Variants in RPA1 observed in about 807,000 individuals in gnomAD.
RPA1 encodes replication protein A 70 kDa DNA-binding subunit.
RPA1 carries 49 observed loss-of-function variants against 83.0 expected under a neutral mutation model. The observed-to-expected ratio is 0.59, with a 90% CI of 0.47 to 0.75. RPA1 has a LOEUF of 0.75. Among genes scored for constraint, RPA1 ranks in the 30% least tolerant of loss-of-function variants. The probability of loss-of-function intolerance (pLI) is 0.00; values close to 1 mark genes in which losing one functional copy is unlikely to be tolerated. For synonymous variants in RPA1, 279 were observed against 281.8 expected, an observed-to-expected ratio of 0.99 and a Z score of 0.10; for missense variants, 693 against 776.1, an observed-to-expected ratio of 0.89 and a Z score of 1.27.
chr17:1,878,724 T>C (rs1252712392), intron 8 of RPA1, among the ~76,000 whole-genome samples: 2 of 152,236 alleles, frequency 1.3e-5, no homozygotes, highest in African/African-American at 4.8e-5. Context: ...CTGTTCTGTT[T>C]CTCAGTTGAG....
At chr17:1,844,432 A>G in intron 3 of RPA1, 146 bp from the exon 4 acceptor site, 1 of 597,346 alleles carries the variant, frequency 1.7e-6, no homozygotes, top group South Asian at 2.3e-5. Flanking sequence ...AGCAAAATAC[A>G]CAGTTTTTCA....
rs146403373 is a variant in RPA1 at position 1,891,911 on chromosome 17, G to A, written c.1630G>A (p.Ala544Thr). The A allele has an allele frequency of 1.1e-4, 170 of 1,607,678 alleles. No individual in the cohort carries two copies. The East Asian group carries it at 2.2e-3, about 20-fold the overall frequency. Residue 544 changes from alanine (A) to threonine (T), a missense_variant, in exon 15 of 17, where the codon GCT (alanine) becomes ACT (threonine). By Grantham distance (58) the Ala-to-Thr change is moderately conservative. Coordinates refer to ENST00000254719, the MANE Select transcript of RPA1 (RefSeq NM_002945.5). Reference protein sequence around the residue: ...ESAEAILGQNAAYLGELKDKN... With the variant: ...ESAEAILGQNTAYLGELKDKN... ...TGCTGAAGCTATCCTTGGACAAAATGCTGCTTATCTTGGGGAATTAAAAGA... is the reference window on the plus strand; with the variant it reads ...TGCTGAAGCTATCCTTGGACAAAATACTGCTTATCTTGGGGAATTAAAAGA...
chr17:1,855,900 C>A (rs1434392665), intron 5 of RPA1, among the ~76,000 whole-genome samples: 2 of 151,934 alleles, frequency 1.3e-5, no homozygotes, highest in African/African-American at 2.4e-5. Flanking sequence ...AAGCACCCTT[C>A]TTGAGTAGAC....
intron 4 of RPA1, among the ~76,000 whole-genome samples, chr17:1,850,067 G>C (rs1334991793): frequency 2.0e-5 from 3 of 151,774 alleles, no homozygotes; most frequent in African/African-American, 7.3e-5. Context: ...AGCTACTCGG[G>C]GGACTGAGGC....
At position 1,897,101 on chromosome 17, in the gene RPA1, G is replaced by A; in HGVS notation, c.1777G>A (p.Asp593Asn). ...DESRIKATVM[D>N]VKPVDYREYG... ...GTCTCGAATTAAGGCCACTGTGATG[G>A]ACGTGAAGCCCGTGGACTACAGAGA... Residue 593 changes from aspartate to asparagine, a missense_variant, in exon 17 of 17, where the codon GAC (aspartate) becomes AAC (asparagine). By Grantham distance (23) the Asp-to-Asn change is conservative. Coordinates refer to ENST00000254719, the MANE Select transcript of RPA1 (RefSeq NM_002945.5). 3.8e-6 allele frequency: 6 copies of A among 1,573,930 alleles called. No homozygotes were observed. Among genetic ancestry groups the A allele is most frequent in the Non-Finnish European group, 5.2e-6 (6 of 1,159,316 alleles).
At chr17:1,874,028 T>TACACACACACAC (rs1270241119) in intron 6 of RPA1, among the ~76,000 whole-genome samples, 11 of 102,594 alleles carry the variant, frequency 1.1e-4, no homozygotes, top group African/African-American at 2.8e-4. Context: ...TATATATATA[T>TACACACACACAC]ATATACACAC....
chr17:1,881,608 G>C (rs1325016703), intron 12 of RPA1, among the ~76,000 whole-genome samples: 2 of 152,098 alleles, frequency 1.3e-5, no homozygotes, highest in Non-Finnish European at 2.9e-5. Context: ...CTTATTGCTT[G>C]ATTTTCTTTT....
chr17:1,891,600 C>T (rs558530835), intron 14 of RPA1: 116 of 251,224 alleles, frequency 4.6e-4, no homozygotes, highest in African/African-American at 2.4e-3. Context: ...TTGTATTTTT[C>T]GTAGAGACGG....
chr17:1,894,928 G>T, intron 15 of RPA1, 81 bp from the exon 16 acceptor site: 1 of 1,107,378 alleles, frequency 9.0e-7, no homozygotes, highest in Non-Finnish European at 1.3e-6. Flanking sequence ...TGCATTTTCA[G>T]AAGTCTTTTT....
chr17:1,864,261 G>A (rs1160746575), intron 5 of RPA1, among the ~76,000 whole-genome samples: 1 of 152,248 alleles, frequency 6.6e-6, no homozygotes. Flanking sequence ...TATATGCGGG[G>A]CATAGTGGCC....
At chr17:1,890,697 T>A (rs1192220519) in intron 14 of RPA1, among the ~76,000 whole-genome samples, 1 of 152,134 alleles carries the variant, frequency 6.6e-6, no homozygotes, top group African/African-American at 2.4e-5. Context: ...AAATGATAAA[T>A]AAAATGAAAT....
In RPA1 at chr17:1,897,969, T is replaced by C. The variant is rs9082; in HGVS notation, c.*794T>C. On this transcript the variant is annotated 3_prime_UTR_variant, in exon 17 of 17. Transcript: ENST00000254719. Reference sequence around the variant, plus strand: ...ACCTGTACACATTCCTGCATTCATGTATTTTGTTTTTTTTGACTAAAGCTA... The same window carrying C: ...ACCTGTACACATTCCTGCATTCATGCATTTTGTTTTTTTTGACTAAAGCTA... 32,024 of 152,350 alleles carry C rather than the reference T, an allele frequency of 0.21. 3,463 individuals carry two copies. Among genetic ancestry groups the C allele is most frequent in the South Asian group, 0.28 (1,374 of 4,824 alleles). 9.4% of individuals were successfully genotyped at this position (152,350 alleles called of 1,614,324 possible).
At chr17:1,851,973 C>T (rs1597429723) in intron 4 of RPA1, among the ~76,000 whole-genome samples, 1 of 152,270 alleles carries the variant, frequency 6.6e-6, no homozygotes, top group Non-Finnish European at 1.5e-5. Flanking sequence ...AAGTCTAAAA[C>T]GTGATGAATT....
At chr17:1,853,480 C>T (rs1030408809) in intron 5 of RPA1, among the ~76,000 whole-genome samples, 3 of 152,108 alleles carry the variant, frequency 2.0e-5, no homozygotes, top group Non-Finnish European at 2.9e-5. Context: ...GTCAGGAGTT[C>T]GAGACCAGTC....
intron 5 of RPA1, among the ~76,000 whole-genome samples, chr17:1,858,855 T>C (rs190177156): frequency 3.3e-5 from 5 of 152,100 alleles, no homozygotes; most frequent in Admixed American, 2.0e-4. Context: ...TGAATCCTGT[T>C]AAATGTATTG....
intron 5 of RPA1, among the ~76,000 whole-genome samples, chr17:1,866,102 C>T (rs1185762232): frequency 1.3e-5 from 2 of 151,928 alleles, no homozygotes; most frequent in East Asian, 2.0e-4. Flanking sequence ...ATTAGCCAGG[C>T]GTGGTGGTGT....
rs945405151 is a variant in RPA1 at position 1,884,069 on chromosome 17, G to C, written c.1374+125G>C. 3 of 1,305,888 alleles carry C rather than the reference G, an allele frequency of 2.3e-6. No homozygotes were observed. The highest frequency in any genetic ancestry group is 2.8e-5 in the South Asian group (2 of 72,440). The allele number at this position is 1,305,888 out of a possible 1,614,324, so 80.9% of individuals were successfully genotyped here. On this transcript the variant is annotated intron_variant, in intron 13 of 16. Transcript: ENST00000254719. This position sits in a 1 kb window ranked among gnomAD's most constrained non-coding sequence, Gnocchi z 4.1. ...TCTTACCCGGGGCTGTGACCTGAGC[G>C]TGGCATGGGGGTTGAGAATCACTGG...
chr17:1,899,349 CA>C lies in RPA1; in HGVS notation c.*2176del, dbSNP rs1392829991. Reference sequence around the variant, plus strand: ...TGTTTCTCCTCTTTCACTTAGAGATCAATGTTGATTTTGCGTACACCATGAC... The same window carrying C: ...TGTTTCTCCTCTTTCACTTAGAGATCATGTTGATTTTGCGTACACCATGAC... On this transcript the variant is annotated 3_prime_UTR_variant, in exon 17 of 17. Coordinates refer to ENST00000254719, the MANE Select transcript of RPA1 (RefSeq NM_002945.5). 3 of 152,370 alleles carry C rather than the reference CA, an allele frequency of 2.0e-5. No homozygotes were observed. Among genetic ancestry groups the C allele is most frequent in the Non-Finnish European group, 4.4e-5 (3 of 68,004 alleles). 9.4% of individuals were successfully genotyped at this position (152,370 alleles called of 1,614,324 possible).
intron 4 of RPA1, among the ~76,000 whole-genome samples, chr17:1,849,826 T>G (rs1294674265): frequency 6.6e-6 from 1 of 152,168 alleles, no homozygotes; most frequent in Non-Finnish European, 1.5e-5. Flanking sequence ...TCGTAAATTC[T>G]TTCAAAGCTT....
Sources: gnomAD v4.1 joint callset for allele counts (sites outside exome capture counted in the v4.1 genomes callset) on GRCh38, gnomAD v4.1.1 for gene constraint, Gnocchi (gnomAD v3.1) non-coding constraint, MANE v1.5 for transcripts, NCBI Gene and HGNC (gene_info 2026-07-23, HGNC 2026-07-21) for gene names.